CDK7: variants seen among roughly 807,000 people sequenced by gnomAD.
The protein encoded by CDK7 is cyclin-dependent kinase 7.
CDK7 carries 25 observed loss-of-function variants against 49.1 expected under a neutral mutation model. The ratio of observed to expected loss-of-function variants is 0.51; its 90% CI spans 0.37 to 0.71. The LOEUF (loss-of-function observed/expected upper bound fraction) is 0.71, where lower values mean the gene tolerates loss of function less well. CDK7 is among the 30% of genes least tolerant of loss of function. The probability of loss-of-function intolerance (pLI) is 0.00; values close to 1 mark genes in which losing one functional copy is unlikely to be tolerated. For synonymous variants in CDK7, 107 were observed against 140.0 expected (o/e 0.76, Z 1.67); for missense variants, 316 against 411.7 (o/e 0.77, Z 2.01).
intron 2 of CDK7, among the ~76,000 whole-genome samples, chr5:69,237,486 C>T (rs763884694): frequency 3.3e-5 from 5 of 152,150 alleles, no homozygotes; most frequent in Non-Finnish European, 7.3e-5. Context: ...TTTGTTCATT[C>T]CAGCTACATG....
At chr5:69,263,447 A>G (rs959295450) in intron 8 of CDK7, among the ~76,000 whole-genome samples, 13 of 152,236 alleles carry the variant, frequency 8.5e-5, no homozygotes, top group African/African-American at 3.1e-4. Flanking sequence ...CTATAGTCCC[A>G]GCTACTTGGG....
At chr5:69,254,778 G>A in intron 4 of CDK7, 109 bp downstream of exon 4, 1 of 666,446 alleles carries the variant, frequency 1.5e-6, no homozygotes, top group Non-Finnish European at 2.7e-6. Context: ...GAGCCTTGTA[G>A]AAGCTTAAAG....
chr5:69,251,388 G>C (rs892050804), intron 2 of CDK7, among the ~76,000 whole-genome samples: 1 of 151,854 alleles, frequency 6.6e-6, no homozygotes, highest in African/African-American at 2.4e-5. Context: ...ATGAGCCGCC[G>C]CACCCAGCCA....
chr5:69,261,594 G>T (rs1003595799), intron 7 of CDK7, among the ~76,000 whole-genome samples: 4 of 151,696 alleles, frequency 2.6e-5, no homozygotes, highest in African/African-American at 9.7e-5. Flanking sequence ...GCAATGGCGC[G>T]ATCTCTGCTC....
chr5:69,248,383 C>CT (rs963511377), intron 2 of CDK7, among the ~76,000 whole-genome samples: 5 of 151,466 alleles, frequency 3.3e-5, no homozygotes, highest in South Asian at 2.1e-4. Context: ...TTTTTCTTTT[C>CT]TTTTTTTTCT....
chr5:69,269,354 CAT>C (rs1751374754), intron 9 of CDK7, 61 bp downstream of exon 9: 1 of 1,152,146 alleles, frequency 8.7e-7, no homozygotes, highest in African/African-American at 1.6e-5. Flanking sequence ...CTTAAACTGT[CAT>C]ATACTTTATA....
At chr5:69,271,527 T>C (rs1174120965) in intron 9 of CDK7, among the ~76,000 whole-genome samples, 1 of 151,552 alleles carries the variant, frequency 6.6e-6, no homozygotes, top group African/African-American at 2.4e-5. Context: ...TTTTTTTTTT[T>C]TTCAAGACAA....
intron 1 of CDK7, 91 bp downstream of exon 1, chr5:69,235,132 C>CCCG: frequency 8.1e-7 from 1 of 1,234,688 alleles, no homozygotes; most frequent in Non-Finnish European, 1.2e-6. Flanking sequence ...GGCCAGAGGT[C>CCCG]TGGCTTGGCT....
chr5:69,256,216 C>G (rs1340705462), intron 5 of CDK7, among the ~76,000 whole-genome samples: 1 of 152,010 alleles, frequency 6.6e-6, no homozygotes, highest in African/African-American at 2.4e-5. Flanking sequence ...TTGCTTAAGC[C>G]CAGGAGTTCA....
At chr5:69,245,204 AAGT>A (rs1749657277) in intron 2 of CDK7, among the ~76,000 whole-genome samples, 1 of 151,578 alleles carries the variant, frequency 6.6e-6, no homozygotes, top group Non-Finnish European at 1.5e-5. Context: ...ATGAGTTTGG[AAGT>A]ATTTACTTCT....
chr5:69,272,111 G>T lies in CDK7; in HGVS notation c.715-781G>T, dbSNP rs1751617703. Among the ~76,000 whole-genome samples the T allele has an allele frequency of 1.3e-5, 2 of 152,004 alleles. 1 individual carries two copies. Among genetic ancestry groups the T allele is most frequent in the Admixed American group, 1.3e-4 (2 of 15,246 alleles). On this transcript the variant is annotated intron_variant, in intron 9 of 11. Transcript: ENST00000256443. ...CAGCCAAGTTCAGATTTTTGCACAT[G>T]TATGTCGAAGTGTTCCAGCAGTATT...
At chr5:69,239,268 A>G (rs1317806609) in intron 2 of CDK7, among the ~76,000 whole-genome samples, 1 of 152,186 alleles carries the variant, frequency 6.6e-6, no homozygotes, top group Non-Finnish European at 1.5e-5. Flanking sequence ...ACGTTTGTCA[A>G]TTACGTAGAT....
chr5:69,260,118 G>A lies in CDK7; in HGVS notation c.527+182G>A, dbSNP rs377040324. 5.1e-4 allele frequency among the ~76,000 whole-genome samples: 77 copies of A among 152,330 alleles called. No homozygotes were observed. In the South Asian group the frequency reaches 0.016, roughly 31 times the overall value. On this transcript the variant is annotated intron_variant, in intron 7 of 11. Coordinates refer to ENST00000256443, the MANE Select transcript of CDK7 (RefSeq NM_001799.4). Reference sequence around the variant, plus strand: ...AATCCCAGCACTTTGGGAGGCCAAGGCAGGCAGACCCACGAGGTCAGGAGT... The same window carrying A: ...AATCCCAGCACTTTGGGAGGCCAAGACAGGCAGACCCACGAGGTCAGGAGT...
In CDK7 at chr5:69,272,982, C is replaced by T; in HGVS notation, c.805C>T (p.Leu269=). Reference sequence around the variant, plus strand: ...CTTCAGTGCAGCAGGAGACGACTTACTAGATCTCATACAAGGCTTATTCTT... The same window carrying T: ...CTTCAGTGCAGCAGGAGACGACTTATTAGATCTCATACAAGGCTTATTCTT... ...HIFSAAGDDL[L]DLIQGLFLFN... The change falls in exon 10 of 12, where the codon CTA becomes TTA. Residue 269 remains leucine (L), a synonymous_variant. Coordinates refer to ENST00000256443, the MANE Select transcript of CDK7 (RefSeq NM_001799.4). 1 of 1,600,594 alleles carries T rather than the reference C, an allele frequency of 6.2e-7. No individual in the cohort carries two copies.
intron 2 of CDK7, among the ~76,000 whole-genome samples, chr5:69,245,813 C>G (rs1217374362): frequency 6.6e-6 from 1 of 152,098 alleles, no homozygotes; most frequent in African/African-American, 2.4e-5. Context: ...TCTGTTTCTT[C>G]TAGGTTTTCC....
intron 2 of CDK7, among the ~76,000 whole-genome samples, chr5:69,251,547 T>TG (rs1248333624): frequency 2.6e-5 from 4 of 152,074 alleles, no homozygotes; most frequent in Admixed American, 6.5e-5. Context: ...TGTTTTTGTT[T>TG]TTTTGTTTGT....
intron 2 of CDK7, among the ~76,000 whole-genome samples, chr5:69,243,566 G>T (rs1749519912): frequency 6.6e-6 from 1 of 152,076 alleles, no homozygotes; most frequent in Non-Finnish European, 1.5e-5. Flanking sequence ...GTCGGGTAAT[G>T]TGATTCCTCC....
intron 9 of CDK7, 92 bp from the exon 10 acceptor site, chr5:69,272,800 A>G (rs2150235547): frequency 2.8e-6 from 2 of 721,174 alleles, no homozygotes; most frequent in South Asian, 4.4e-5. Flanking sequence ...AATTTTCTAT[A>G]TAAACCATCA....
chr5:69,261,594 G>A (rs1003595799), intron 7 of CDK7, among the ~76,000 whole-genome samples: 3 of 151,694 alleles, frequency 2.0e-5, no homozygotes, highest in Non-Finnish European at 4.4e-5. Flanking sequence ...GCAATGGCGC[G>A]ATCTCTGCTC....
Sources: allele counts gnomAD v4.1 joint callset (sites outside exome capture counted in the v4.1 genomes callset), GRCh38; gene constraint gnomAD v4.1.1; transcripts MANE v1.5; gene names NCBI Gene and HGNC (gene_info 2026-07-23, HGNC 2026-07-21).